The following PLEKHM2 variants were observed in gnomAD, a reference collection of about 807,000 sequenced individuals.
PLEKHM2 encodes the protein pleckstrin homology domain-containing family M member 2.
PLEKHM2 carries 77 observed loss-of-function variants against 116.3 expected under a neutral mutation model. The ratio of observed to expected loss-of-function variants is 0.66; its 90% CI spans 0.55 to 0.80. The LOEUF is 0.80. PLEKHM2 is among the 30% of genes least tolerant of loss of function. The pLI is 0.00. For synonymous variants in PLEKHM2, 562 were observed against 571.0 expected, an observed-to-expected ratio of 0.98 and a Z score of 0.22; for missense variants, 1,183 against 1,354.9, an observed-to-expected ratio of 0.87 and a Z score of 1.99.
chr1:15,721,275 C>T lies in PLEKHM2; in HGVS notation c.653-54C>T. The T allele has an allele frequency of 9.6e-7, 1 of 1,045,106 alleles. No homozygotes were observed. Among genetic ancestry groups the T allele is most frequent in the South Asian group, 1.4e-5 (1 of 72,922 alleles). 64.7% of individuals were successfully genotyped at this position (1,045,106 alleles called of 1,614,324 possible). On this transcript the variant is annotated intron_variant, in intron 6 of 19. Coordinates refer to ENST00000375799, the MANE Select transcript of PLEKHM2 (RefSeq NM_015164.4). This position sits in a 1 kb window ranked among gnomAD's most constrained non-coding sequence, Gnocchi z 5.1. ...CCATTTCCCCTCCCCTCCCTCCAGT[C>T]ATCCTTCCACTGCCTGTGTTTCTAA... is the stretch of plus-strand genomic sequence containing the variant.
chr1:15,734,063 G>A lies in PLEKHM2; in HGVS notation c.*129G>A, dbSNP rs1015684285. On this transcript the variant is annotated 3_prime_UTR_variant, in exon 20 of 20. Transcript: ENST00000375799. ...CCCTGCCCTGGGCGGCAGAACCACC[G>A]AGTGTGGCTTAAGACAGGGTCCCTC... The A allele has an allele frequency of 6.6e-6, 7 of 1,063,042 alleles. No homozygotes were observed. Among genetic ancestry groups the A allele is most frequent in the African/African-American group, 3.2e-5 (2 of 62,270 alleles). 65.9% of individuals were successfully genotyped at this position (1,063,042 alleles called of 1,614,324 possible). A position where few individuals can be genotyped will look rare whatever the true frequency, so the allele number is the denominator to read the frequency against.
At chr1:15,693,222 G>A (rs979217925) in intron 1 of PLEKHM2, among the ~76,000 whole-genome samples, 4 of 151,290 alleles carry the variant, frequency 2.6e-5, no homozygotes, top group Middle Eastern at 3.4e-3. Context: ...TGTATTTTTA[G>A]TAGGGATGGG....
chr1:15,686,468 T>TG (rs554612586), intron 1 of PLEKHM2, among the ~76,000 whole-genome samples: 6 of 151,904 alleles, frequency 3.9e-5, no homozygotes, highest in Non-Finnish European at 7.4e-5. Flanking sequence ...GGAGTGTTTT[T>TG]TTGTTGTTGT....
chr1:15,733,802 C>T lies in PLEKHM2; in HGVS notation c.2928C>T (p.Asp976=). The T allele has an allele frequency of 1.9e-6, 3 of 1,612,762 alleles. No homozygotes were observed. The highest frequency in any genetic ancestry group is 2.5e-6 in the Non-Finnish European group (3 of 1,179,684). The change falls in exon 20 of 20, where the codon GAC becomes GAT. Residue 976 remains aspartate (D), a synonymous_variant. Coordinates refer to ENST00000375799, the MANE Select transcript of PLEKHM2 (RefSeq NM_015164.4). ...CTCTGCACGCCCCAACACAGGTGGACCTCCCCCACACGGCGATCCAGGAAG... is the reference window on the plus strand; with the variant it reads ...CTCTGCACGCCCCAACACAGGTGGATCTCCCCCACACGGCGATCCAGGAAG... The part of the protein sequence containing the change: ...NSGWKTIYQV[D]LPHTAIQEAS...
At position 15,728,559 on chromosome 1, in the gene PLEKHM2, G is replaced by A; in HGVS notation, c.1922-110G>A. Reference sequence around the variant, plus strand: ...GAGCACTCCACGCCATTCTCCTACTGCAGGGCAAGGAGAGGCCCTCTAAGA... The same window carrying A: ...GAGCACTCCACGCCATTCTCCTACTACAGGGCAAGGAGAGGCCCTCTAAGA... On this transcript the variant is annotated intron_variant, in intron 11 of 19. Transcript: ENST00000375799. The surrounding 1 kb of genome is among the most constrained non-coding windows in gnomAD (Gnocchi z 5.9). 1 of 1,084,566 alleles carries A rather than the reference G, an allele frequency of 9.2e-7. No individual in the cohort carries two copies. The highest frequency in any genetic ancestry group is 1.4e-5 in the South Asian group (1 of 73,636). 67.2% of individuals were successfully genotyped at this position (1,084,566 alleles called of 1,614,324 possible). A position where few individuals can be genotyped will look rare whatever the true frequency, so the allele number is the denominator to read the frequency against.
chr1:15,712,594 TATACCTTAAAGGCAAAACA>T (rs1290074094), intron 1 of PLEKHM2, among the ~76,000 whole-genome samples: 1 of 152,092 alleles, frequency 6.6e-6, no homozygotes, highest in African/African-American at 2.4e-5. Flanking sequence ...TATACATGGA[TATACCTTAAAGGCAAAACA>T]AGTTTCAGAA....
chr1:15,727,166 C>A lies in PLEKHM2; in HGVS notation c.1094C>A (p.Pro365Gln). 6.2e-7 allele frequency: 1 copy of A among 1,602,690 alleles called. No homozygotes were observed. The highest frequency in any genetic ancestry group is 8.5e-7 in the Non-Finnish European group (1 of 1,174,184). ...NGSPSLGRDSPDTMLASPQEE... is the reference protein window; with the variant it reads ...NGSPSLGRDSQDTMLASPQEE... ...AGCCCAAGCCTTGGGCGGGACTCGC[C>A]AGACACTATGCTTGCCTCCCCCCAG... Residue 365 changes from proline to glutamine, a missense_variant, in exon 9 of 20, where the codon CCA becomes CAA. Around this residue, in one of 3 missense-constraint regions of PLEKHM2, gnomAD observed 372 missense variants for 357.2 expected, o/e 1.04. Transcript: ENST00000375799. The surrounding 1 kb of genome is among the most constrained non-coding windows in gnomAD (Gnocchi z 7.5).
upstream of PLEKHM2, among the ~76,000 whole-genome samples, chr1:15,683,296 G>C (rs1640684513): frequency 6.6e-6 from 1 of 152,058 alleles, no homozygotes; most frequent in South Asian, 2.1e-4. Flanking sequence ...AAGCCAGGGG[G>C]CCTGGGTCTG....
chr1:15,728,289 A>T lies in PLEKHM2; in HGVS notation c.1853A>T (p.His618Leu). 6.2e-7 allele frequency: 1 copy of T among 1,613,354 alleles called. No individual in the cohort carries two copies. Among genetic ancestry groups the T allele is most frequent in the Non-Finnish European group, 8.5e-7 (1 of 1,179,864 alleles). ...LFKMIRMSTG[H>L]MEGNLQLLYV... ...CAGATGATCCGGATGAGCACCGGGC[A>T]CATGGAGGGCAACCTGCAGCTGCTG... The change falls in exon 11 of 20, where the codon CAC becomes CTC. Residue 618 changes from histidine to leucine, a missense_variant. Coordinates refer to ENST00000375799, the MANE Select transcript of PLEKHM2 (RefSeq NM_015164.4). The surrounding 1 kb of genome is among the most constrained non-coding windows in gnomAD (Gnocchi z 5.9).
intron 1 of PLEKHM2, among the ~76,000 whole-genome samples, chr1:15,699,339 C>G (rs1641064576): frequency 6.6e-6 from 1 of 152,072 alleles, no homozygotes; most frequent in Admixed American, 6.6e-5. Context: ...CTATGCCTCC[C>G]CCTGCCCCCC....
At chr1:15,708,545 C>T (rs966228184) in intron 1 of PLEKHM2, among the ~76,000 whole-genome samples, 8 of 152,144 alleles carry the variant, frequency 5.3e-5, no homozygotes, top group Admixed American at 1.3e-4. Context: ...TTGGATTCCC[C>T]TAAAACGTAT....
Position 15,730,672 on chromosome 1 carries a change from C to T in PLEKHM2, c.2349C>T (p.Gly783=), listed in dbSNP as rs1213130509. The change falls in exon 15 of 20, where the codon GGC becomes GGT. Residue 783 remains glycine, a synonymous_variant. Transcript: ENST00000375799. ...TKEGMLHYKA[G]TSYLGKEHWK... Reference sequence around the variant, plus strand: ...AAGGCATGCTGCACTACAAGGCGGGCACCTCCTACCTGGGCAAGGAACACT... The same window carrying T: ...AAGGCATGCTGCACTACAAGGCGGGTACCTCCTACCTGGGCAAGGAACACT... The T allele has an allele frequency of 1.2e-6, 2 of 1,609,660 alleles. No individual in the cohort carries two copies. Among genetic ancestry groups the T allele is most frequent in the Admixed American group, 3.4e-5 (2 of 59,474 alleles).
chr1:15,727,541 C>A lies in PLEKHM2; in HGVS notation c.1469C>A (p.Pro490Gln), dbSNP rs368020288. ...GHHDPAGLGQ[P>Q]LHVPSSPEAA... Reference sequence around the variant, plus strand: ...CATGACCCTGCAGGGCTTGGCCAACCGCTGCATGTTCCTAGTAGCCCTGAG... The same window carrying A: ...CATGACCCTGCAGGGCTTGGCCAACAGCTGCATGTTCCTAGTAGCCCTGAG... Residue 490 changes from proline (P) to glutamine (Q), a missense_variant, in exon 9 of 20, where the codon CCG (proline) becomes CAG (glutamine). Transcript: ENST00000375799. This position sits in a 1 kb window ranked among gnomAD's most constrained non-coding sequence, Gnocchi z 7.5. 21 of 1,576,984 alleles carry A rather than the reference C, an allele frequency of 1.3e-5. No individual in the cohort carries two copies. The South Asian group carries it at 1.6e-4, about 12-fold the overall frequency.
At chr1:15,711,521 G>A (rs1003546129) in intron 1 of PLEKHM2, among the ~76,000 whole-genome samples, 4 of 151,992 alleles carry the variant, frequency 2.6e-5, no homozygotes, top group East Asian at 2.0e-4. Flanking sequence ...GGAGGCTGAC[G>A]CAGGAGAATC....
Position 15,725,560 on chromosome 1 carries a change from G to A in PLEKHM2, c.941+15G>A, listed in dbSNP as rs769457223. On this transcript the variant is annotated intron_variant, in intron 8 of 19. Transcript: ENST00000375799. Reference sequence around the variant, plus strand: ...GAGGTCATCAGGTCAGCAGGGAGGGGCCCAGAAAGGAGCTGAGGTCCTGGG... The same window carrying A: ...GAGGTCATCAGGTCAGCAGGGAGGGACCCAGAAAGGAGCTGAGGTCCTGGG... The A allele has an allele frequency of 1.3e-6, 2 of 1,539,194 alleles. No homozygotes were observed. The highest frequency in any genetic ancestry group is 2.4e-5 in the East Asian group (1 of 41,026).
In PLEKHM2 at chr1:15,684,572, A is replaced by G; in HGVS notation, c.14A>G (p.Glu5Gly). 3 of 1,294,396 alleles carry G rather than the reference A, an allele frequency of 2.3e-6. No individual in the cohort carries two copies. Among genetic ancestry groups the G allele is most frequent in the Non-Finnish European group, 9.9e-7 (1 of 1,006,216 alleles). 80.2% of individuals were successfully genotyped at this position (1,294,396 alleles called of 1,614,324 possible). A position where few individuals can be genotyped will look rare whatever the true frequency, so the allele number is the denominator to read the frequency against. Reference sequence around the variant, plus strand: ...GGTGGCAGCGCCATGGAGCCGGGGGAGGTGAAGGACCGGATCCTGGAGAAC... The same window carrying G: ...GGTGGCAGCGCCATGGAGCCGGGGGGGGTGAAGGACCGGATCCTGGAGAAC... Reference protein sequence around the residue: MEPGEVKDRILENIS... With the variant: MEPGGVKDRILENIS... The change falls in exon 1 of 20, where the codon GAG becomes GGG. Residue 5 changes from glutamate (E) to glycine (G), a missense_variant. Transcript: ENST00000375799.
Position 15,716,220 on chromosome 1 carries a change from GT to G in PLEKHM2, c.61-8del, listed in dbSNP as rs3830503. On this transcript the variant is annotated splice_polypyrimidine_tract_variant and intron_variant, in intron 1 of 19. Coordinates refer to ENST00000375799, the MANE Select transcript of PLEKHM2 (RefSeq NM_015164.4). ...CTTAATCCATTTCTGATTTGGAGGT[GT>G]TTTTTTTTCTTTCAGTTGCAGAGCT... The G allele has an allele frequency of 4.9e-5, 68 of 1,382,870 alleles. No individual in the cohort carries two copies. Among genetic ancestry groups the G allele is most frequent in the Non-Finnish European group, 5.0e-5 (50 of 1,003,818 alleles). 85.7% of individuals were successfully genotyped at this position (1,382,870 alleles called of 1,614,324 possible). A position where few individuals can be genotyped will look rare whatever the true frequency, so the allele number is the denominator to read the frequency against.
In PLEKHM2 at chr1:15,719,175, C is replaced by A. The variant is rs564167523; in HGVS notation, c.465+550C>A. Among the ~76,000 whole-genome samples the A allele has an allele frequency of 3.3e-5, 5 of 152,092 alleles. No individual in the cohort carries two copies. The highest frequency in any genetic ancestry group is 7.3e-5 in the Non-Finnish European group (5 of 68,032). ...ATCAAATGACCTTCCTTGGGCCAGG[C>A]GCAGTGGCTCACACCTATAATCCCA... On this transcript the variant is annotated intron_variant, in intron 5 of 19. Transcript: ENST00000375799. The surrounding 1 kb of genome is among the most constrained non-coding windows in gnomAD (Gnocchi z 4.1).
At chr1:15,724,734 C>G (rs1044459481) in intron 7 of PLEKHM2, among the ~76,000 whole-genome samples, 1 of 152,168 alleles carries the variant, frequency 6.6e-6, no homozygotes, top group African/African-American at 2.4e-5. Flanking sequence ...ATCCTGTCTC[C>G]TAGCCTCTGC....
Sources: allele counts gnomAD v4.1 joint callset (sites outside exome capture counted in the v4.1 genomes callset), GRCh38; gene constraint gnomAD v4.1.1; regional missense constraint gnomAD v4.1.1; non-coding constraint Gnocchi (gnomAD v3.1); transcripts MANE v1.5; gene names NCBI Gene and HGNC (gene_info 2026-07-23, HGNC 2026-07-21).